Variants in OPCML observed in about 807,000 individuals in gnomAD.
OPCML encodes opioid-binding protein/cell adhesion molecule.
In OPCML, 13 loss-of-function variants were observed where a neutral mutation model predicts 37.8. The observed-to-expected ratio is 0.34, with a 90% CI of 0.22 to 0.55. The LOEUF (loss-of-function observed/expected upper bound fraction) is 0.55, where lower values mean the gene tolerates loss of function less well. Ranked by LOEUF, OPCML falls within the 20% of genes least tolerant of loss-of-function variation. OPCML has a pLI of 0.91. For synonymous variants in OPCML, 176 were observed against 168.8 expected (o/e 1.04, Z -0.33); for missense variants, 341 against 435.6 (o/e 0.78, Z 1.93).
At chr11:132,894,466 C>T (rs1196446150) in intron 2 of OPCML, among the ~76,000 whole-genome samples, 3 of 152,174 alleles carry the variant, frequency 2.0e-5, no homozygotes, top group Admixed American at 6.5e-5. Flanking sequence ...TTCAGGGGCC[C>T]ACACCACTTA....
chr11:132,433,586 C>T (rs1178661085), intron 7 of OPCML, among the ~76,000 whole-genome samples: 3 of 152,242 alleles, frequency 2.0e-5, no homozygotes, highest in South Asian at 4.1e-4. Context: ...TGGGCTGAAT[C>T]GCATCCCTCT....
Position 132,481,847 on chromosome 11 carries a change from A to C in OPCML, c.506-44488T>G, listed in dbSNP as rs200197651. Among the ~76,000 whole-genome samples, 22 of 148,930 alleles carry C rather than the reference A, an allele frequency of 1.5e-4. No homozygotes were observed. In the South Asian group the frequency reaches 4.6e-3, roughly 31 times the overall value. On this transcript the variant is annotated intron_variant, in intron 4 of 7. Coordinates refer to ENST00000524381, the MANE Select transcript of OPCML (RefSeq NM_001012393.5). ...GGGTACATAACGAAATGAAGGCAGA[A>C]ATAAAGATGTTCTTTGAAACCAACA...
chr11:133,238,854 GC>G (rs1403759612), intron 1 of OPCML, among the ~76,000 whole-genome samples: 1 of 152,200 alleles, frequency 6.6e-6, no homozygotes, highest in African/African-American at 2.4e-5. Context: ...GCTGATAATA[GC>G]CCACTGTACT....
Position 133,337,993 on chromosome 11 carries a change from C to T in OPCML, c.61+194271G>A, listed in dbSNP as rs545176964. Among the ~76,000 whole-genome samples the T allele has an allele frequency of 2.6e-4, 40 of 152,000 alleles. No individual in the cohort carries two copies. In the South Asian group the frequency reaches 7.9e-3, roughly 30 times the overall value. On this transcript the variant is annotated intron_variant, in intron 1 of 7. Transcript: ENST00000524381. ...CTGCTACCTGTGGAAGCCACAGGGC[C>T]GTCCTGTGTTGGGCACAACACAAGA...
At chr11:132,692,232 GA>G (rs5795797) in intron 2 of OPCML, among the ~76,000 whole-genome samples, 88,005 of 147,922 alleles carry the variant, frequency 0.59, 25,881 homozygotes, top group Admixed American at 0.64. Flanking sequence ...GATGCTACAG[GA>G]AAAAAAAAAA....
chr11:132,477,667 A>C (rs994533737), intron 4 of OPCML, among the ~76,000 whole-genome samples: 1 of 152,168 alleles, frequency 6.6e-6, no homozygotes, highest in African/African-American at 2.4e-5. Flanking sequence ...ACAGAAGCAA[A>C]TTCATCGGGA....
chr11:132,887,666 ACT>A lies in OPCML; in HGVS notation c.146+55258_146+55259del, dbSNP rs1943476048. Among the ~76,000 whole-genome samples the A allele has an allele frequency of 2.6e-5, 4 of 152,354 alleles. No individual in the cohort carries two copies. The South Asian group carries it at 8.3e-4, about 32-fold the overall frequency. On this transcript the variant is annotated intron_variant, in intron 2 of 7. Transcript: ENST00000524381. ...TAAAATTTCATTTTATAGAACGATC[ACT>A]TTTTGCTTCCTTTTCAGAGCAAGGG...
In OPCML at chr11:133,212,860, T is replaced by G. The variant is rs1479768755; in HGVS notation, c.62-269850A>C. On this transcript the variant is annotated intron_variant, in intron 1 of 7. Coordinates refer to ENST00000524381, the MANE Select transcript of OPCML (RefSeq NM_001012393.5). This position sits in a 1 kb window ranked among gnomAD's most constrained non-coding sequence, Gnocchi z 4.9. ...ACTGCACCCTTTGTATGGGTTTCCATACTCTAAAATTCCACGTTTGTATCT... is the reference window on the plus strand; with the variant it reads ...ACTGCACCCTTTGTATGGGTTTCCAGACTCTAAAATTCCACGTTTGTATCT... 6.6e-6 allele frequency among the ~76,000 whole-genome samples: 1 copy of G among 152,186 alleles called. No individual in the cohort carries two copies. The highest frequency in any genetic ancestry group is 1.5e-5 in the Non-Finnish European group (1 of 68,038).
chr11:132,657,345 G>A (rs886756976), intron 2 of OPCML, 26 bp from the exon 3 acceptor site: 2 of 1,611,704 alleles, frequency 1.2e-6, no homozygotes, highest in African/African-American at 1.3e-5. Context: ...GAGTGGTGGA[G>A]GGAGGAAGAA....
At chr11:132,827,848 G>A (rs1391925691) in intron 2 of OPCML, among the ~76,000 whole-genome samples, 8 of 151,020 alleles carry the variant, frequency 5.3e-5, no homozygotes, top group Admixed American at 4.6e-4. Context: ...GTTTCACCAT[G>A]TTTTGATCTC....
At chr11:133,520,359 A>G (rs74341222) in intron 1 of OPCML, among the ~76,000 whole-genome samples, 8,647 of 152,114 alleles carry the variant, frequency 0.057, 684 homozygotes, top group African/African-American at 0.17. Context: ...ATTAGGGCAG[A>G]GTACAAGATG....
chr11:133,341,004 C>T (rs1312075552), intron 1 of OPCML, among the ~76,000 whole-genome samples: 1 of 152,072 alleles, frequency 6.6e-6, no homozygotes, highest in Non-Finnish European at 1.5e-5. Flanking sequence ...CACTGCCTAT[C>T]CCCCTTCTTC....
At chr11:132,609,909 A>G (rs994887053) in intron 3 of OPCML, among the ~76,000 whole-genome samples, 3 of 152,228 alleles carry the variant, frequency 2.0e-5, no homozygotes, top group Non-Finnish European at 4.4e-5. Context: ...AATGAGAATA[A>G]AGGAAAAATA....
chr11:132,730,368 A>T (rs140614290), intron 2 of OPCML, among the ~76,000 whole-genome samples: 4 of 152,316 alleles, frequency 2.6e-5, no homozygotes, highest in Non-Finnish European at 5.9e-5. Context: ...TAAAGACACA[A>T]CAAGTAATCT....
intron 2 of OPCML, among the ~76,000 whole-genome samples, chr11:132,738,521 T>C (rs1945330899): frequency 6.6e-6 from 1 of 152,216 alleles, no homozygotes. Context: ...CTGTGACTTA[T>C]AAAACTTGTA....
At position 132,544,487 on chromosome 11, in the gene OPCML, T is replaced by C. The variant is rs541339166; in HGVS notation, c.380-15301A>G. Among the ~76,000 whole-genome samples, 146 of 152,338 alleles carry C rather than the reference T, an allele frequency of 9.6e-4. 1 individual carries two copies. The highest frequency in any genetic ancestry group is 1.9e-3 in the Non-Finnish European group (126 of 68,042). On this transcript the variant is annotated intron_variant, in intron 3 of 7. Transcript: ENST00000524381. The stretch of plus-strand genomic sequence containing the variant: ...CTATAATATTTTAGACAGCTTAGGC[T>C]GAAATTATTGGGCAAATCTTTTTGG...
At chr11:133,117,831 A>G (rs2137108520) in intron 1 of OPCML, 5 of 984,302 alleles carry the variant, frequency 5.1e-6, no homozygotes, top group Non-Finnish European at 6.0e-6. Flanking sequence ...AATAATTACA[A>G]TAATACCAAT....
intron 2 of OPCML, among the ~76,000 whole-genome samples, chr11:132,872,861 C>T (rs4936177): frequency 0.14 from 21,239 of 152,054 alleles, 1,697 homozygotes; most frequent in Non-Finnish European, 0.18. Context: ...TGGCTATTAG[C>T]TGAGTATCAT....
intron 1 of OPCML, among the ~76,000 whole-genome samples, chr11:133,120,610 A>G (rs981700437): frequency 1.3e-5 from 2 of 152,230 alleles, no homozygotes; most frequent in African/African-American, 4.8e-5. Flanking sequence ...CTAGGAAATC[A>G]TAGTCAATAA....
Sources: gnomAD v4.1 joint callset for allele counts (sites outside exome capture counted in the v4.1 genomes callset) on GRCh38, gnomAD v4.1.1 for gene constraint, Gnocchi (gnomAD v3.1) non-coding constraint, MANE v1.5 for transcripts, NCBI Gene and HGNC (gene_info 2026-07-23, HGNC 2026-07-21) for gene names.